Variants in ANKFN1 observed in about 807,000 individuals in gnomAD.
The protein encoded by ANKFN1 is ankyrin repeat and fibronectin type-III domain-containing protein 1.
Under a neutral mutation model 108.7 loss-of-function variants are expected in ANKFN1, and 74 were observed. The observed-to-expected ratio is 0.68, with a 90% confidence interval of 0.56 to 0.83. The LOEUF is 0.83. ANKFN1 is among the 40% of genes least tolerant of loss of function. The pLI is 0.00. For synonymous variants in ANKFN1, 547 were observed against 516.2 expected, an observed-to-expected ratio of 1.06 and a Z score of -0.81; for missense variants, 1,505 against 1,382.3, an observed-to-expected ratio of 1.09 and a Z score of -1.41.
chr17:56,272,262 A>G (rs1297443467), intron 3 of ANKFN1, among the ~76,000 whole-genome samples: 2 of 152,178 alleles, frequency 1.3e-5, no homozygotes, highest in African/African-American at 4.8e-5. Context: ...AACTATTTTC[A>G]TCTTGCAAAA....
chr17:56,081,891 C>T (rs1367030918), intron 4 of ANKFN1, among the ~76,000 whole-genome samples: 1 of 152,208 alleles, frequency 6.6e-6, no homozygotes, highest in African/African-American at 2.4e-5. Flanking sequence ...TAAATTCTGC[C>T]ATTTGCCTCT....
intron 3 of ANKFN1, among the ~76,000 whole-genome samples, chr17:56,307,183 T>C (rs1354521745): frequency 1.3e-5 from 2 of 152,282 alleles, no homozygotes; most frequent in African/African-American, 2.4e-5. Context: ...ACTTCATGTC[T>C]AAAACACCAA....
intron 3 of ANKFN1, among the ~76,000 whole-genome samples, chr17:56,297,863 G>A (rs1002593397): frequency 6.6e-6 from 1 of 152,144 alleles, no homozygotes; most frequent in Admixed American, 6.5e-5. Context: ...TACAACACTG[G>A]GGAGTGGTTA....
intron 6 of ANKFN1, among the ~76,000 whole-genome samples, chr17:56,357,050 T>C (rs2046394745): frequency 6.6e-6 from 1 of 152,216 alleles, no homozygotes; most frequent in Non-Finnish European, 1.5e-5. Flanking sequence ...AAGAGATCCC[T>C]GGTTTTCCTC....
intron 1 of ANKFN1, among the ~76,000 whole-genome samples, chr17:56,175,235 A>G (rs1911038692): frequency 6.6e-6 from 1 of 152,240 alleles, no homozygotes; most frequent in South Asian, 2.1e-4. Context: ...AAGGTTACTT[A>G]TAATATGACA....
intron 4 of ANKFN1, among the ~76,000 whole-genome samples, chr17:56,094,474 C>CTTTTTTTTTTTTT: frequency 1.3e-5 from 1 of 75,974 alleles, no homozygotes; most frequent in Non-Finnish European, 2.3e-5. Context: ...GTTGTTTCTT[C>CTTTTTTTTTTTTT]TTTTTTTTTT....
At chr17:56,334,649 A>T (rs1387992748) in intron 4 of ANKFN1, among the ~76,000 whole-genome samples, 1 of 152,152 alleles carries the variant, frequency 6.6e-6, no homozygotes, top group African/African-American at 2.4e-5. Context: ...AATAATGTTA[A>T]TTATGAGGAA....
chr17:56,120,064 C>G (rs974017313), intron 4 of ANKFN1, among the ~76,000 whole-genome samples: 2 of 152,118 alleles, frequency 1.3e-5, no homozygotes, highest in Non-Finnish European at 2.9e-5. Flanking sequence ...TGTTCCTAAG[C>G]CTAATTCTCA....
intron 4 of ANKFN1, among the ~76,000 whole-genome samples, chr17:56,121,273 C>T (rs1210896137): frequency 6.6e-6 from 1 of 151,964 alleles, no homozygotes; most frequent in Non-Finnish European, 1.5e-5. Flanking sequence ...TATAGTTTCA[C>T]TCAAAAGCGA....
chr17:56,419,833 G>T (rs529250863), intron 8 of ANKFN1, among the ~76,000 whole-genome samples: 34 of 146,950 alleles, frequency 2.3e-4, no homozygotes, highest in Middle Eastern at 3.6e-3. Flanking sequence ...AAAAAAGAAA[G>T]AAATAAGAAG....
intron 1 of ANKFN1, among the ~76,000 whole-genome samples, chr17:56,198,251 G>A (rs1208817177): frequency 3.3e-5 from 5 of 152,138 alleles, no homozygotes; most frequent in Non-Finnish European, 7.4e-5. Context: ...CTCGTATATG[G>A]GAATAATAAA....
In ANKFN1 at chr17:56,386,818, C is replaced by T. The variant is rs554647803; in HGVS notation, c.910+12104C>T. Among the ~76,000 whole-genome samples the T allele has an allele frequency of 2.0e-5, 3 of 151,824 alleles. No homozygotes were observed. The South Asian group carries it at 6.2e-4, about 32-fold the overall frequency. Reference sequence around the variant, plus strand: ...TCTACTGTAGGTTTCTGGTGGATATCCTTTATCGGATTTAAGAAGTCTTAT... The same window carrying T: ...TCTACTGTAGGTTTCTGGTGGATATTCTTTATCGGATTTAAGAAGTCTTAT... On this transcript the variant is annotated intron_variant, in intron 8 of 20. Transcript: ENST00000682825.
intron 4 of ANKFN1, among the ~76,000 whole-genome samples, chr17:56,082,915 G>A (rs1905265860): frequency 7.0e-6 from 1 of 143,058 alleles, no homozygotes; most frequent in South Asian, 2.1e-4. Context: ...CCAGCCCACA[G>A]ACAAAGCTAC....
At chr17:56,425,673 T>G (rs1373279150) in intron 8 of ANKFN1, among the ~76,000 whole-genome samples, 1 of 152,080 alleles carries the variant, frequency 6.6e-6, no homozygotes, top group Non-Finnish European at 1.5e-5. Flanking sequence ...CTGCCTGGAA[T>G]GCCTTTAGCC....
intron 3 of ANKFN1, among the ~76,000 whole-genome samples, chr17:56,262,932 T>C (rs998236637): frequency 1.3e-5 from 2 of 152,232 alleles, no homozygotes; most frequent in Non-Finnish European, 2.9e-5. Context: ...AGCACCATTG[T>C]TAAGGTGCTT....
chr17:56,222,141 G>A (rs1389039448), intron 2 of ANKFN1, among the ~76,000 whole-genome samples: 2 of 152,160 alleles, frequency 1.3e-5, no homozygotes. Context: ...TATGGCTGAG[G>A]AGGAGCCCAA....
chr17:56,309,987 C>T (rs2144428973), intron 3 of ANKFN1, among the ~76,000 whole-genome samples: 1 of 152,274 alleles, frequency 6.6e-6, no homozygotes, highest in East Asian at 1.9e-4. Flanking sequence ...TCTGATGATA[C>T]ATCATAAAGA....
In ANKFN1 at chr17:56,510,936, G is replaced by A; in HGVS notation, c.3108G>A (p.Gln1036=). Residue 1036 remains glutamine (Q), a synonymous_variant, in exon 21 of 21, where the codon CAG becomes CAA. Coordinates refer to ENST00000682825, the MANE Select transcript of ANKFN1 (RefSeq NM_001370326.1). ...CGCTCTCTGAGGGCATTTATACACA[G>A]CACCTGTCCCAGGCCTGTGGTCTGG... ...SLSLSEGIYT[Q]HLSQACGLAQ... 6.5e-7 allele frequency: 1 copy of A among 1,536,158 alleles called. No homozygotes were observed. Among genetic ancestry groups the A allele is most frequent in the African/African-American group, 1.4e-5 (1 of 73,186 alleles).
intron 4 of ANKFN1, among the ~76,000 whole-genome samples, chr17:56,104,559 A>G (rs1905706440): frequency 6.6e-6 from 1 of 152,130 alleles, no homozygotes. Flanking sequence ...CCCTGTGGGT[A>G]TCAGGTTTGG....
Sources: allele counts gnomAD v4.1 joint callset (sites outside exome capture counted in the v4.1 genomes callset), GRCh38; gene constraint gnomAD v4.1.1; transcripts MANE v1.5; gene names NCBI Gene and HGNC (gene_info 2026-07-23, HGNC 2026-07-21).